Variants in OSBPL8 observed in about 807,000 individuals in gnomAD.
OSBPL8 encodes the protein oxysterol-binding protein-related protein 8.
OSBPL8 carries 59 observed loss-of-function variants against 125.5 expected under a neutral mutation model. The ratio of observed to expected loss-of-function variants is 0.47; its 90% CI spans 0.38 to 0.58. The LOEUF (loss-of-function observed/expected upper bound fraction) is 0.58, where lower values mean the gene tolerates loss of function less well. Among genes scored for constraint, OSBPL8 ranks in the 20% least tolerant of loss-of-function variants. The pLI, the probability that OSBPL8 is intolerant of heterozygous loss-of-function variation, is 0.00. For missense variants in OSBPL8, 758 were observed against 1,047.8 expected, an observed-to-expected ratio of 0.72 and a Z score of 3.82; for synonymous variants, 330 against 338.9, an observed-to-expected ratio of 0.97 and a Z score of 0.29.
chr12:76,522,586 T>C (rs939219172), intron 1 of OSBPL8, among the ~76,000 whole-genome samples: 6 of 152,196 alleles, frequency 3.9e-5, no homozygotes, highest in Admixed American at 6.5e-5. Flanking sequence ...TTAGGTTTGG[T>C]ATCTCTTCAC....
intron 9 of OSBPL8, among the ~76,000 whole-genome samples, chr12:76,394,297 G>A (rs184905298): frequency 6.6e-6 from 1 of 152,032 alleles, no homozygotes; most frequent in Admixed American, 6.5e-5. Flanking sequence ...CAATGTATAT[G>A]TCTCATAAAT....
chr12:76,488,279 G>A (rs909580347), intron 1 of OSBPL8, among the ~76,000 whole-genome samples: 1 of 152,126 alleles, frequency 6.6e-6, no homozygotes, highest in Non-Finnish European at 1.5e-5. Flanking sequence ...ACTGGAAAGA[G>A]GATCACAACA....
chr12:76,456,925 A>T (rs1874121518), intron 3 of OSBPL8, among the ~76,000 whole-genome samples: 2 of 152,202 alleles, frequency 1.3e-5, no homozygotes, highest in South Asian at 2.1e-4. Flanking sequence ...CTAGAGCTAA[A>T]TATTAAGCAA....
In OSBPL8 at chr12:76,443,191, G is replaced by T. The variant is rs531403192; in HGVS notation, c.217+7660C>A. ...AACATTTAAAAACTAGTTTGAAATG[G>T]ACTCATTTGTAAGTTTTAGTAAAGC... is the stretch of plus-strand genomic sequence containing the variant. On this transcript the variant is annotated intron_variant, in intron 4 of 23. Coordinates refer to ENST00000261183, the MANE Select transcript of OSBPL8 (RefSeq NM_020841.5). Among the ~76,000 whole-genome samples the T allele has an allele frequency of 1.9e-3, 283 of 152,206 alleles. 1 individual carries two copies. Among genetic ancestry groups the T allele is most frequent in the African/African-American group, 6.6e-3 (275 of 41,536 alleles).
chr12:76,534,481 G>A (rs182779540), intron 1 of OSBPL8, among the ~76,000 whole-genome samples: 3 of 152,138 alleles, frequency 2.0e-5, no homozygotes, highest in African/African-American at 2.4e-5. Context: ...TACCAATAAC[G>A]GGCTAAAGAA....
intron 4 of OSBPL8, among the ~76,000 whole-genome samples, chr12:76,425,108 C>G (rs1461874589): frequency 6.6e-6 from 1 of 152,018 alleles, no homozygotes; most frequent in East Asian, 1.9e-4. Flanking sequence ...TGGAAGCAGG[C>G]CAAAAAATAA....
intron 1 of OSBPL8, among the ~76,000 whole-genome samples, chr12:76,551,295 A>C (rs1057132053): frequency 1.3e-5 from 2 of 152,210 alleles, no homozygotes; most frequent in African/African-American, 2.4e-5. Flanking sequence ...CTCAATCTTT[A>C]AAGCAGTAGT....
intron 2 of OSBPL8, among the ~76,000 whole-genome samples, chr12:76,463,430 T>C (rs1336205772): frequency 6.6e-6 from 1 of 152,160 alleles, no homozygotes; most frequent in Admixed American, 6.5e-5. Flanking sequence ...TTGAAATGCA[T>C]GTCAGACATT....
chr12:76,511,918 G>A (rs1006329956), intron 1 of OSBPL8, among the ~76,000 whole-genome samples: 9 of 152,146 alleles, frequency 5.9e-5, no homozygotes, highest in Admixed American at 5.9e-4. Context: ...AAGGGGTCCA[G>A]CTCCAATCTT....
chr12:76,489,207 T>C (rs1256361363), intron 1 of OSBPL8, among the ~76,000 whole-genome samples: 1 of 152,194 alleles, frequency 6.6e-6, no homozygotes, highest in Admixed American at 6.5e-5. Context: ...AAATGCAAGG[T>C]GAAGTAGCAA....
chr12:76,374,540 CAAGTAAG>C (rs1952741114), intron 17 of OSBPL8, among the ~76,000 whole-genome samples: 2 of 152,108 alleles, frequency 1.3e-5, no homozygotes, highest in South Asian at 4.1e-4. Context: ...CCTCAACTGC[CAAGTAAG>C]AAGTCTACTT....
At chr12:76,533,631 C>T (rs138520566) in intron 1 of OSBPL8, among the ~76,000 whole-genome samples, 8 of 152,062 alleles carry the variant, frequency 5.3e-5, no homozygotes, top group Non-Finnish European at 1.2e-4. Context: ...AACTTAAAGG[C>T]GAGAAACTCA....
At chr12:76,449,128 C>T (rs1191325244) in intron 4 of OSBPL8, among the ~76,000 whole-genome samples, 1 of 152,154 alleles carries the variant, frequency 6.6e-6, no homozygotes, top group Non-Finnish European at 1.5e-5. Context: ...GTTACAACAT[C>T]AAAACTGACT....
At chr12:76,357,620 A>G (rs1015488325) in intron 22 of OSBPL8, among the ~76,000 whole-genome samples, 2 of 152,140 alleles carry the variant, frequency 1.3e-5, no homozygotes, top group African/African-American at 4.8e-5. Flanking sequence ...CTAGTATGTT[A>G]CCCCTACCCC....
intron 2 of OSBPL8, among the ~76,000 whole-genome samples, chr12:76,464,478 TTAC>T (rs1267670327): frequency 6.6e-6 from 1 of 152,206 alleles, no homozygotes; most frequent in Admixed American, 6.5e-5. Context: ...ACCCAAATAT[TTAC>T]TAATTTTAGT....
intron 4 of OSBPL8, among the ~76,000 whole-genome samples, chr12:76,440,875 C>A (rs1020732900): frequency 2.0e-5 from 3 of 152,168 alleles, no homozygotes; most frequent in Non-Finnish European, 4.4e-5. Flanking sequence ...CTCATCACCT[C>A]TAGAGTCCCA....
intron 1 of OSBPL8, among the ~76,000 whole-genome samples, chr12:76,510,941 CG>C (rs1453672837): frequency 2.6e-5 from 4 of 151,524 alleles, no homozygotes; most frequent in African/African-American, 9.7e-5. Context: ...TTCTAGATTC[CG>C]GACATACAGA....
At chr12:76,394,768 A>T in intron 8 of OSBPL8, 39 bp from the exon 9 acceptor site, 1 of 1,404,978 alleles carries the variant, frequency 7.1e-7, no homozygotes, top group Non-Finnish European at 9.9e-7. Flanking sequence ...GTATAGAGTA[A>T]TTATTATGAG....
chr12:76,476,068 T>G (rs1355130122), intron 2 of OSBPL8, among the ~76,000 whole-genome samples: 1 of 151,954 alleles, frequency 6.6e-6, no homozygotes, highest in East Asian at 1.9e-4. Context: ...AGAACAGAGA[T>G]AAAGAAAAGT....
Sources: allele counts gnomAD v4.1 joint callset (sites outside exome capture counted in the v4.1 genomes callset), GRCh38; gene constraint gnomAD v4.1.1; transcripts MANE v1.5; gene names NCBI Gene and HGNC (gene_info 2026-07-23, HGNC 2026-07-21).